Variants in ATP13A4 observed in about 807,000 individuals in gnomAD.
ATP13A4 encodes the protein ATPase 13A4, also known as probable cation-transporting ATPase 13A4.
A neutral mutation model predicts 142.5 loss-of-function variants in ATP13A4; 114 were observed. The ratio of observed to expected loss-of-function variants is 0.80; its 90% CI spans 0.69 to 0.93. The LOEUF is 0.93. ATP13A4 is among the 40% of genes least tolerant of loss of function. The pLI, the probability that ATP13A4 is intolerant of heterozygous loss-of-function variation, is 0.00. For missense variants in ATP13A4, 1,392 were observed against 1,454.0 expected, an observed-to-expected ratio of 0.96 and a Z score of 0.69; for synonymous variants, 488 against 514.8, an observed-to-expected ratio of 0.95 and a Z score of 0.70.
chr3:193,457,588 C>T (rs561994651), intron 14 of ATP13A4, 123 bp from the exon 15 acceptor site: 1 of 883,764 alleles, frequency 1.1e-6, no homozygotes, highest in African/African-American at 1.6e-5. Context: ...CGTGTCTCTT[C>T]CCTCAGAGGT....
chr3:193,590,786 T>C (rs1577092732), intron 1 of ATP13A4, among the ~76,000 whole-genome samples: 1 of 152,214 alleles, frequency 6.6e-6, no homozygotes, highest in East Asian at 1.9e-4. Context: ...ATATAAGTAG[T>C]GGTTGTTTTT....
chr3:193,414,604 G>C lies in ATP13A4; in HGVS notation c.2989C>G (p.Pro997Ala), dbSNP rs758946659. The C allele has an allele frequency of 2.5e-6, 4 of 1,614,062 alleles. No homozygotes were observed. In the South Asian group the frequency reaches 4.4e-5, roughly 18 times the overall value. The part of the protein sequence containing the change: ...IAGFILVQRQ[P>A]WYSVEIHSAC... ...CTGTGTATCTCCACGGAATACCAAG[G>C]CTGCCTCTGAACCAGGATGAAGCCT... The change falls in exon 26 of 30, where the codon CCT (proline) becomes GCT (alanine). Residue 997 changes from proline (P) to alanine (A), a missense_variant. Pro to Ala is a conservative substitution (Grantham distance 27). Transcript: ENST00000342695.
At position 193,402,521 on chromosome 3, in the gene ATP13A4, T is replaced by C; in HGVS notation, c.*131A>G. Reference sequence around the variant, plus strand: ...GTATTTTATCAAACAGACTTTAGTTTGTCACCATGATTTGATAGGTAGCCC... The same window carrying C: ...GTATTTTATCAAACAGACTTTAGTTCGTCACCATGATTTGATAGGTAGCCC... On this transcript the variant is annotated 3_prime_UTR_variant, in exon 30 of 30. Coordinates refer to ENST00000342695, the MANE Select transcript of ATP13A4 (RefSeq NM_032279.4). 1.5e-6 allele frequency: 1 copy of C among 662,258 alleles called. No homozygotes were observed. Among genetic ancestry groups the C allele is most frequent in the East Asian group, 2.7e-5 (1 of 37,386 alleles). 41.0% of individuals were successfully genotyped at this position (662,258 alleles called of 1,614,324 possible).
rs144223521 is a variant in ATP13A4 at position 193,546,461 on chromosome 3, C to T, written c.60+8279G>A. On this transcript the variant is annotated intron_variant, in intron 1 of 29. Transcript: ENST00000342695. ...ATGAAAGTCATCTTCCCTGGCAATA[C>T]TTGTTGTCTCAGTGATTGGCTTTCT... Among the ~76,000 whole-genome samples the T allele has an allele frequency of 6.2e-3, 948 of 152,316 alleles. 7 individuals are homozygous for T. The highest frequency in any genetic ancestry group is 0.014 in the Middle Eastern group (4 of 294).
At chr3:193,477,217 AGATGT>A (rs1253423000) in intron 8 of ATP13A4, among the ~76,000 whole-genome samples, 1 of 152,164 alleles carries the variant, frequency 6.6e-6, no homozygotes, top group Non-Finnish European at 1.5e-5. Context: ...AGGTTTTAAA[AGATGT>A]GACAAAGGAA....
chr3:193,433,713 A>G, intron 25 of ATP13A4, 132 bp downstream of exon 25: 7 of 712,848 alleles, frequency 9.8e-6, no homozygotes, highest in East Asian at 2.6e-5. Flanking sequence ...CTCTGTGTAT[A>G]TATTTGGGAA....
At chr3:193,418,116 C>A (rs527982846) in intron 25 of ATP13A4, among the ~76,000 whole-genome samples, 15 of 66,106 alleles carry the variant, frequency 2.3e-4, no homozygotes, top group Admixed American at 5.9e-4. Flanking sequence ...AGCGAGACTC[C>A]GTCTCAAAAA....
intron 1 of ATP13A4, among the ~76,000 whole-genome samples, chr3:193,536,196 T>C (rs994498059): frequency 6.6e-6 from 1 of 152,130 alleles, no homozygotes; most frequent in African/African-American, 2.4e-5. Context: ...ACAAAAAGTA[T>C]AGACCAACAT....
intron 2 of ATP13A4, among the ~76,000 whole-genome samples, chr3:193,567,282 C>T (rs1040215727): frequency 9.2e-5 from 14 of 152,088 alleles, no homozygotes; most frequent in African/African-American, 3.4e-4. Context: ...GACAGAGATA[C>T]GACAAAACCC....
chr3:193,460,470 T>C lies in ATP13A4; in HGVS notation c.1524-1239A>G, dbSNP rs551494819. ...TGGCTTTTGCATTCAAGCTTCCTTT[T>C]GTCACACTAAGAGTTCAAAAATGTC... On this transcript the variant is annotated intron_variant, in intron 13 of 29. Coordinates refer to ENST00000342695, the MANE Select transcript of ATP13A4 (RefSeq NM_032279.4). Among the ~76,000 whole-genome samples, 20 of 152,366 alleles carry C rather than the reference T, an allele frequency of 1.3e-4. 1 individual carries two copies. Among genetic ancestry groups the C allele is most frequent in the African/African-American group, 4.8e-4 (20 of 41,580 alleles).
intron 1 of ATP13A4, among the ~76,000 whole-genome samples, chr3:193,531,346 G>GGA (rs1722326780): frequency 1.1e-5 from 1 of 88,386 alleles, no homozygotes; most frequent in Admixed American, 1.1e-4. Flanking sequence ...AAGGGAGGAA[G>GGA]AGAGGGAGGG....
At chr3:193,457,292 C>G in intron 15 of ATP13A4, 87 bp downstream of exon 15, 2 of 1,572,528 alleles carry the variant, frequency 1.3e-6, no homozygotes, top group Non-Finnish European at 1.8e-6. Context: ...AATTCAAAGA[C>G]ACATCTGTGA....
intron 8 of ATP13A4, among the ~76,000 whole-genome samples, chr3:193,472,504 G>A (rs1001793755): frequency 3.2e-4 from 48 of 152,154 alleles, no homozygotes; most frequent in Admixed American, 2.9e-3. Context: ...GAACGTTCTC[G>A]ACTTAAAGAA....
chr3:193,461,931 A>G (rs1278001732), intron 13 of ATP13A4, among the ~76,000 whole-genome samples: 1 of 152,148 alleles, frequency 6.6e-6, no homozygotes, highest in African/African-American at 2.4e-5. Context: ...GCTAGGAAAA[A>G]GGAGTTTCAG....
At chr3:193,553,316 C>G (rs1036482105) in intron 1 of ATP13A4, 1 of 152,090 alleles carries the variant, frequency 6.6e-6, no homozygotes, top group African/African-American at 2.4e-5. Flanking sequence ...CCATGAATGT[C>G]TTCTGGAAAA....
At chr3:193,434,719 T>G (rs1357732683) in intron 24 of ATP13A4, among the ~76,000 whole-genome samples, 1 of 152,210 alleles carries the variant, frequency 6.6e-6, no homozygotes, top group Non-Finnish European at 1.5e-5. Context: ...GAACTTTCTT[T>G]CCTTGGTGTT....
intron 8 of ATP13A4, among the ~76,000 whole-genome samples, chr3:193,474,632 C>T (rs552331457): frequency 6.6e-5 from 7 of 106,246 alleles, no homozygotes; most frequent in Non-Finnish European, 1.1e-4. Context: ...GAGAGAGAGA[C>T]GAGAAAGAAA....
At chr3:193,545,418 C>T (rs998652572) in intron 1 of ATP13A4, among the ~76,000 whole-genome samples, 1 of 152,070 alleles carries the variant, frequency 6.6e-6, no homozygotes, top group African/African-American at 2.4e-5. Flanking sequence ...TTCTGAGGGG[C>T]CATTTCAGGT....
At position 193,494,177 on chromosome 3, in the gene ATP13A4, T is replaced by C. The variant is rs143492123; in HGVS notation, c.382-1017A>G. 9.2e-5 allele frequency among the ~76,000 whole-genome samples: 14 copies of C among 152,066 alleles called. No individual in the cohort carries two copies. The South Asian group carries it at 2.9e-3, about 32-fold the overall frequency. On this transcript the variant is annotated intron_variant, in intron 3 of 29. Coordinates refer to ENST00000342695, the MANE Select transcript of ATP13A4 (RefSeq NM_032279.4). ...GGAGAAATGGACTGAAATACAATGA[T>C]AGTAAAAAATTTCAACACCTCACTC...
Sources: gnomAD v4.1 joint callset for allele counts (sites outside exome capture counted in the v4.1 genomes callset) on GRCh38, gnomAD v4.1.1 for gene constraint, MANE v1.5 for transcripts, NCBI Gene and HGNC (gene_info 2026-07-23, HGNC 2026-07-21) for gene names.